Variants in NTRK3 observed in about 807,000 individuals in gnomAD.
The protein encoded by NTRK3 is neurotrophic receptor tyrosine kinase 3.
Under a neutral mutation model 91.7 loss-of-function variants are expected in NTRK3, and 24 were observed. The observed-to-expected ratio is 0.26, with a 90% CI of 0.19 to 0.37. The LOEUF (loss-of-function observed/expected upper bound fraction) is 0.37, where lower values mean the gene tolerates loss of function less well. NTRK3 is among the 10% of genes least tolerant of loss of function. The pLI is 1.00. For missense variants in NTRK3, 880 were observed against 1,068.9 expected (o/e 0.82, Z 2.46); for synonymous variants, 483 against 404.0 (o/e 1.20, Z -2.34).
intron 3 of NTRK3, among the ~76,000 whole-genome samples, chr15:88,220,287 T>C (rs918587703): frequency 7.9e-5 from 12 of 152,254 alleles, no homozygotes; most frequent in African/African-American, 2.6e-4. Flanking sequence ...GGGGTCCTAC[T>C]GTAGGCACGG....
At chr15:88,218,885 G>C (rs1041758247) in intron 3 of NTRK3, among the ~76,000 whole-genome samples, 4 of 152,180 alleles carry the variant, frequency 2.6e-5, no homozygotes, top group East Asian at 1.9e-4. Context: ...AAATCCACCT[G>C]TTTGTAAACC....
intron 13 of NTRK3, among the ~76,000 whole-genome samples, chr15:88,050,011 C>A (rs950290298): frequency 1.3e-5 from 2 of 152,164 alleles, no homozygotes; most frequent in African/African-American, 2.4e-5. Flanking sequence ...TTGGGAAACT[C>A]TGAATGGGCT....
intron 13 of NTRK3, among the ~76,000 whole-genome samples, chr15:88,044,294 TC>T (rs2079943929): frequency 7.1e-6 from 1 of 140,300 alleles, no homozygotes; most frequent in African/African-American, 2.7e-5. Context: ...GGAGTCTTGC[TC>T]TGTTGCCCAA....
intron 13 of NTRK3, among the ~76,000 whole-genome samples, chr15:88,064,947 C>T (rs2046520478): frequency 6.6e-6 from 1 of 152,196 alleles, no homozygotes; most frequent in African/African-American, 2.4e-5. Context: ...GCACAGAGAT[C>T]TCATCTTGCT....
chr15:88,173,664 A>G (rs973189940), intron 5 of NTRK3, among the ~76,000 whole-genome samples: 13 of 152,238 alleles, frequency 8.5e-5, no homozygotes, highest in African/African-American at 3.1e-4. Context: ...GTGGTCTCCC[A>G]TGGGCCTTCC....
At chr15:88,109,271 A>T (rs577207085) in intron 13 of NTRK3, among the ~76,000 whole-genome samples, 2 of 152,148 alleles carry the variant, frequency 1.3e-5, no homozygotes, top group Non-Finnish European at 2.9e-5. Flanking sequence ...AGGGTGGGGA[A>T]AATTGGGGCG....
intron 17 of NTRK3, among the ~76,000 whole-genome samples, chr15:87,915,971 A>T (rs895636929): frequency 2.0e-5 from 3 of 152,218 alleles, no homozygotes; most frequent in African/African-American, 7.2e-5. Flanking sequence ...CTCTTGGGCT[A>T]TCAACTTTCC....
At chr15:87,935,702 T>A (rs1208599665) in intron 15 of NTRK3, among the ~76,000 whole-genome samples, 1 of 152,158 alleles carries the variant, frequency 6.6e-6, no homozygotes, top group South Asian at 2.1e-4. Flanking sequence ...CCTCTCTCCA[T>A]CTCTTTAAAT....
intron 17 of NTRK3, chr15:87,925,738 C>G (rs554905585): frequency 1.1e-5 from 2 of 180,454 alleles, no homozygotes; most frequent in African/African-American, 2.4e-5. Context: ...TATTTCCATA[C>G]ATGTTGAAAC....
intron 5 of NTRK3, among the ~76,000 whole-genome samples, chr15:88,164,945 T>G (rs776425719): frequency 1.3e-5 from 2 of 152,200 alleles, no homozygotes; most frequent in Non-Finnish European, 2.9e-5. Context: ...GATCTGGTAG[T>G]GTTCACATAG....
chr15:87,874,752 T>C, exon 19 of NTRK3: 1 of 232,106 alleles, frequency 4.3e-6, no homozygotes, highest in East Asian at 6.1e-5. Flanking sequence ...CAAAGCCAGA[T>C]TGTGCAGCTT....
intron 17 of NTRK3, chr15:87,916,329 T>C (rs1415474667): frequency 1.4e-5 from 6 of 427,172 alleles, no homozygotes; most frequent in African/African-American, 1.2e-4. Flanking sequence ...AAAAGGCCTT[T>C]TGCACTTGAG....
In NTRK3 at chr15:88,121,249, C is replaced by A. The variant is rs16941294; in HGVS notation, c.1396+5022G>T. On this transcript the variant is annotated intron_variant, in intron 13 of 18. Coordinates refer to ENST00000394480, the Ensembl canonical transcript of NTRK3. Reference sequence around the variant, plus strand: ...TTATTATTGTTCAGACACACTAACACCTATTGCCTGGTTATTGTTCTAATG... The same window carrying A: ...TTATTATTGTTCAGACACACTAACAACTATTGCCTGGTTATTGTTCTAATG... Among the ~76,000 whole-genome samples, 1,485 of 152,256 alleles carry A rather than the reference C, an allele frequency of 9.8e-3. 32 individuals carry two copies. Among genetic ancestry groups the A allele is most frequent in the African/African-American group, 0.034 (1,410 of 41,534 alleles).
chr15:88,120,749 G>A (rs966725237), intron 13 of NTRK3, among the ~76,000 whole-genome samples: 4 of 152,188 alleles, frequency 2.6e-5, no homozygotes, highest in African/African-American at 4.8e-5. Flanking sequence ...AGCCTTGGAG[G>A]GATTGAGCTG....
At chr15:87,914,742 A>G (rs1167195760) in intron 17 of NTRK3, among the ~76,000 whole-genome samples, 1 of 152,194 alleles carries the variant, frequency 6.6e-6, no homozygotes, top group African/African-American at 2.4e-5. Flanking sequence ...GGAAATGACC[A>G]ACTACAAGAA....
chr15:88,149,681 C>T (rs530585137), intron 5 of NTRK3, among the ~76,000 whole-genome samples: 1 of 152,338 alleles, frequency 6.6e-6, no homozygotes, highest in East Asian at 1.9e-4. Context: ...AAGCCCCATG[C>T]AGCAGCCCAG....
chr15:88,157,173 T>C (rs2043985373), intron 5 of NTRK3, among the ~76,000 whole-genome samples: 1 of 151,808 alleles, frequency 6.6e-6, no homozygotes, highest in African/African-American at 2.4e-5. Context: ...CAAGCCAGAC[T>C]CTCCCAGTGG....
At chr15:88,082,706 T>C (rs1256361788) in intron 13 of NTRK3, among the ~76,000 whole-genome samples, 1 of 152,210 alleles carries the variant, frequency 6.6e-6, no homozygotes. Context: ...AATGTAGTGA[T>C]TCCTACTCTA....
intron 14 of NTRK3, among the ~76,000 whole-genome samples, chr15:88,003,524 G>A (rs2076262484): frequency 6.6e-6 from 1 of 152,130 alleles, no homozygotes; most frequent in Non-Finnish European, 1.5e-5. Context: ...AAGAACTATG[G>A]CATAGAGAGA....
Sources: gnomAD v4.1 joint callset for allele counts (sites outside exome capture counted in the v4.1 genomes callset) on GRCh38, gnomAD v4.1.1 for gene constraint, MANE v1.5 for transcripts, NCBI Gene and HGNC (gene_info 2026-07-23, HGNC 2026-07-21) for gene names.